PCDH15: variants seen among roughly 807,000 people sequenced by gnomAD.
PCDH15 encodes protocadherin-15.
PCDH15 carries 129 observed loss-of-function variants against 178.5 expected under a neutral mutation model. The observed-to-expected ratio is 0.72, with a 90% confidence interval of 0.63 to 0.84. The LOEUF (loss-of-function observed/expected upper bound fraction) is 0.84, where lower values mean the gene tolerates loss of function less well. Ranked by LOEUF, PCDH15 falls within the 40% of genes least tolerant of loss-of-function variation. PCDH15 has a pLI of 0.00. For missense variants in PCDH15, 2,230 were observed against 2,099.9 expected (o/e 1.06, Z -1.21); for synonymous variants, 800 against 732.0 (o/e 1.09, Z -1.50).
rs146062951 is a variant in PCDH15, at chr10:55,370,661, C to G, written c.-155-204010G>C. Reference sequence around the variant, plus strand: ...ATTGCTTCTTGTTTTATGTTAGTATCCTTTTTATATTTTGAAATAAAGCAG... The same window carrying G: ...ATTGCTTCTTGTTTTATGTTAGTATGCTTTTTATATTTTGAAATAAAGCAG... On this transcript the variant is annotated intron_variant, in intron 2 of 5. Transcript: ENST00000613346. Among the ~76,000 whole-genome samples the G allele has an allele frequency of 1.8e-4, 27 of 152,102 alleles. No homozygotes were observed. The East Asian group carries it at 5.2e-3, about 29-fold the overall frequency.
At chr10:54,757,934 A>G (rs1456428192) in intron 1 of PCDH15, among the ~76,000 whole-genome samples, 1 of 152,206 alleles carries the variant, frequency 6.6e-6, no homozygotes, top group East Asian at 1.9e-4. Context: ...GAATACAGCC[A>G]TGCCTGAAAA....
chr10:54,177,016 A>T (rs1487383775), intron 13 of PCDH15, among the ~76,000 whole-genome samples: 1 of 152,186 alleles, frequency 6.6e-6, no homozygotes, highest in Admixed American at 6.5e-5. Flanking sequence ...CCAAAACTTG[A>T]AAGCAACCAA....
intron 37 of PCDH15, chr10:53,809,341 C>T: frequency 1.2e-6 from 2 of 1,613,188 alleles, no homozygotes; most frequent in East Asian, 4.5e-5. Context: ...GCGTCTCTGC[C>T]ACTCTTCACC....
At chr10:54,021,246 A>C (rs2092912013) in intron 19 of PCDH15, among the ~76,000 whole-genome samples, 1 of 152,036 alleles carries the variant, frequency 6.6e-6, no homozygotes, top group South Asian at 2.1e-4. Flanking sequence ...AATGCACCTC[A>C]GGTACAGAAA....
intron 9 of PCDH15, among the ~76,000 whole-genome samples, chr10:54,215,751 T>C (rs1398868115): frequency 6.6e-6 from 1 of 152,082 alleles, no homozygotes; most frequent in Admixed American, 6.6e-5. Context: ...TTGAAATTTA[T>C]GTCGAGACGG....
chr10:55,554,303 T>G (rs1391668646), intron 2 of PCDH15, among the ~76,000 whole-genome samples: 4 of 152,072 alleles, frequency 2.6e-5, no homozygotes, highest in African/African-American at 9.6e-5. Context: ...GAATAGATGA[T>G]AAGATGTGTA....
chr10:53,968,147 C>T (rs2089250982), intron 21 of PCDH15, among the ~76,000 whole-genome samples: 1 of 152,122 alleles, frequency 6.6e-6, no homozygotes, highest in Non-Finnish European at 1.5e-5. Context: ...TGGTACACTC[C>T]CACTCTAATA....
At chr10:54,165,024 G>C (rs539502610) in intron 13 of PCDH15, among the ~76,000 whole-genome samples, 1 of 152,292 alleles carries the variant, frequency 6.6e-6, no homozygotes, top group East Asian at 1.9e-4. Flanking sequence ...ATGGAAAAAT[G>C]ATATAATGGG....
At chr10:54,015,655 A>G (rs1202488034) in intron 20 of PCDH15, among the ~76,000 whole-genome samples, 1 of 152,126 alleles carries the variant, frequency 6.6e-6, no homozygotes, top group Non-Finnish European at 1.5e-5. Context: ...TGGAGAATGG[A>G]CTCCCTATTC....
chr10:54,450,133 AT>A lies in PCDH15; in HGVS notation c.158-71192del, dbSNP rs2076381359. Among the ~76,000 whole-genome samples, 7 of 27,998 alleles carry A rather than the reference AT, an allele frequency of 2.5e-4. No homozygotes were observed. In the Admixed American group the frequency reaches 3.8e-3, roughly 15 times the overall value. 18.4% of individuals were successfully genotyped at this position (27,998 alleles called of 152,430 possible). ...AGATGACTATTCCTTTTTTATAAATATATATATATATATATATATATATATT... is the reference window on the plus strand; with the variant it reads ...AGATGACTATTCCTTTTTTATAAATAATATATATATATATATATATATATT... On this transcript the variant is annotated intron_variant, in intron 3 of 37. Transcript: ENST00000644397.
intron 3 of PCDH15, among the ~76,000 whole-genome samples, chr10:54,518,235 G>C (rs1018501771): frequency 6.6e-5 from 10 of 151,606 alleles, no homozygotes; most frequent in Admixed American, 3.3e-4. Flanking sequence ...AGGAAATAGA[G>C]ACACAAAAAA....
At chr10:54,571,504 A>G (rs1473873619) in intron 2 of PCDH15, among the ~76,000 whole-genome samples, 1 of 152,152 alleles carries the variant, frequency 6.6e-6, no homozygotes, top group African/African-American at 2.4e-5. Context: ...CCTCATTAGA[A>G]CACAATTATA....
chr10:54,882,813 T>G (rs1239082270), intron 3 of PCDH15, among the ~76,000 whole-genome samples: 1 of 152,074 alleles, frequency 6.6e-6, no homozygotes, highest in Non-Finnish European at 1.5e-5. Flanking sequence ...TGGTACAGTC[T>G]TGGCAGTTAG....
chr10:54,400,425 A>G (rs1343565344), intron 3 of PCDH15, among the ~76,000 whole-genome samples: 1 of 152,068 alleles, frequency 6.6e-6, no homozygotes, highest in African/African-American at 2.4e-5. Flanking sequence ...ACTAGCCCTA[A>G]TTATTTCATT....
At chr10:55,491,049 T>C (rs1840401992) in intron 2 of PCDH15, among the ~76,000 whole-genome samples, 1 of 151,756 alleles carries the variant, frequency 6.6e-6, no homozygotes, top group South Asian at 2.1e-4. Context: ...ATATAGCATA[T>C]GGAAAAATGT....
intron 2 of PCDH15, among the ~76,000 whole-genome samples, chr10:55,574,944 T>C (rs1395928254): frequency 6.6e-6 from 1 of 152,088 alleles, no homozygotes; most frequent in Non-Finnish European, 1.5e-5. Context: ...AAATGTATGA[T>C]TATTTTCAAC....
intron 3 of PCDH15, among the ~76,000 whole-genome samples, chr10:54,507,880 C>T (rs568555613): frequency 1.3e-5 from 2 of 152,022 alleles, no homozygotes; most frequent in African/African-American, 4.8e-5. Context: ...ATGAATATTG[C>T]AACTTTTAGG....
chr10:54,147,017 G>C (rs1309799407), intron 14 of PCDH15, among the ~76,000 whole-genome samples: 1 of 59,918 alleles, frequency 1.7e-5, no homozygotes, highest in Non-Finnish European at 2.9e-5. Flanking sequence ...TATATATAAT[G>C]TGTATATATA....
At chr10:55,532,009 G>A (rs1057110312) in intron 2 of PCDH15, among the ~76,000 whole-genome samples, 1 of 151,912 alleles carries the variant, frequency 6.6e-6, no homozygotes, top group South Asian at 2.1e-4. Context: ...TCAAATTAAA[G>A]ATCTGATCTT....
Sources: gnomAD v4.1 joint callset for allele counts (sites outside exome capture counted in the v4.1 genomes callset) on GRCh38, gnomAD v4.1.1 for gene constraint, MANE v1.5 for transcripts, NCBI Gene and HGNC (gene_info 2026-07-23, HGNC 2026-07-21) for gene names.